The following VPS16 variants were observed in gnomAD, a reference collection of about 807,000 sequenced individuals.
VPS16 encodes vacuolar protein sorting-associated protein 16 homolog.
VPS16 carries 82 observed loss-of-function variants against 116.0 expected under a neutral mutation model. The observed-to-expected ratio is 0.71, with a 90% CI of 0.59 to 0.85. The LOEUF is 0.85. Among genes scored for constraint, VPS16 ranks in the 40% least tolerant of loss-of-function variants. VPS16 has a pLI of 0.00. For missense variants in VPS16, 928 were observed against 1,090.6 expected (o/e 0.85, Z 2.10); for synonymous variants, 406 against 420.7 (o/e 0.96, Z 0.43).
At chr20:2,859,255 C>T (rs569332401) in intron 1 of VPS16, among the ~76,000 whole-genome samples, 1 of 152,202 alleles carries the variant, frequency 6.6e-6, no homozygotes, top group Non-Finnish European at 1.5e-5. Flanking sequence ...TGACACTGCA[C>T]CTCAGCCTGG....
At chr20:2,848,473 C>T (rs116333899) in intron 1 of VPS16, among the ~76,000 whole-genome samples, 49 of 152,296 alleles carry the variant, frequency 3.2e-4, no homozygotes, top group African/African-American at 1.1e-3. Context: ...CCACTTCCAC[C>T]TCTTGAATCT....
intron 1 of VPS16, among the ~76,000 whole-genome samples, chr20:2,851,675 C>T: frequency 6.9e-6 from 1 of 145,872 alleles, no homozygotes; most frequent in Non-Finnish European, 1.5e-5. Flanking sequence ...AAAAAAAAAA[C>T]AAAAAACACA....
intron 1 of VPS16, among the ~76,000 whole-genome samples, chr20:2,842,602 G>A (rs943837819): frequency 1.8e-4 from 26 of 145,846 alleles, no homozygotes; most frequent in Non-Finnish European, 3.8e-4. Flanking sequence ...GTGAGACTCC[G>A]TCTATATATA....
rs1422459925 is a variant in VPS16, at chr20:2,864,474, G to A, written c.1818+12G>A. The stretch of plus-strand genomic sequence containing the variant: ...GTTTGTACCGACAGGTGTGTGTAGT[G>A]GGCAGGGTTGTGGTGTAGCCTTCTG... On this transcript the variant is annotated intron_variant, in intron 18 of 23. Coordinates refer to ENST00000380445, the MANE Select transcript of VPS16 (RefSeq NM_022575.4). This position sits in a 1 kb window ranked among gnomAD's most constrained non-coding sequence, Gnocchi z 5.2. The A allele has an allele frequency of 1.2e-6, 2 of 1,614,124 alleles. No individual in the cohort carries two copies. Among genetic ancestry groups the A allele is most frequent in the Admixed American group, 1.7e-5 (1 of 60,014 alleles).
rs750104307 is a variant in VPS16, at chr20:2,859,747, G to A, written c.82G>A (p.Asp28Asn). The change falls in exon 2 of 24, where the codon GAC becomes AAC. Residue 28 changes from aspartate (D) to asparagine (N), a missense_variant. By Grantham distance (23) the Asp-to-Asn change is conservative. Transcript: ENST00000380445. ...RKYELYSMDW[D>N]LKEELRDCLV... ...ATATGAGCTGTACAGCATGGACTGGGACCTGAAGGAGGAACTCAGGGATTG... is the reference window on the plus strand; with the variant it reads ...ATATGAGCTGTACAGCATGGACTGGAACCTGAAGGAGGAACTCAGGGATTG... 7 of 1,613,134 alleles carry A rather than the reference G, an allele frequency of 4.3e-6. No homozygotes were observed. In the African/African-American group the frequency reaches 8.0e-5, roughly 18 times the overall value.
rs1191291021 is a variant in VPS16, at chr20:2,861,175, A to G, written c.754-50A>G. ...GGTGATGCGGGAGGGCTTTTCGACT[A>G]GAATGGTGACTGCTGGGACAGGGCC... On this transcript the variant is annotated intron_variant, in intron 7 of 23. Transcript: ENST00000380445. The G allele has an allele frequency of 2.5e-6, 4 of 1,614,088 alleles. No homozygotes were observed. The East Asian group carries it at 6.7e-5, about 27-fold the overall frequency.
At position 2,865,014 on chromosome 20, in the gene VPS16, G is replaced by T. The variant is rs371692425; in HGVS notation, c.1963G>T (p.Ala655Ser). 1.9e-6 allele frequency: 3 copies of T among 1,614,106 alleles called. No individual in the cohort carries two copies. The highest frequency in any genetic ancestry group is 2.7e-5 in the African/African-American group (2 of 74,986). The change falls in exon 20 of 24, where the codon GCC (alanine) becomes TCC (serine). Residue 655 changes from alanine (A) to serine (S), a missense_variant. Physicochemically the swap from Ala to Ser is moderately conservative, Grantham distance 99. Transcript: ENST00000380445. The surrounding 1 kb of genome is among the most constrained non-coding windows in gnomAD (Gnocchi z 5.2). ...EGRVAALQTA[A>S]DAFYKAKNEF... ...GCGAGTAGCAGCTCTGCAGACAGCCGCCGATGCCTTCTACAAGGCCAAGAA... is the reference window on the plus strand; with the variant it reads ...GCGAGTAGCAGCTCTGCAGACAGCCTCCGATGCCTTCTACAAGGCCAAGAA...
chr20:2,846,112 C>CTTTTTTT (rs34440512), intron 1 of VPS16, among the ~76,000 whole-genome samples: 1 of 89,684 alleles, frequency 1.1e-5, no homozygotes. Flanking sequence ...CTGTACTCCG[C>CTTTTTTT]TTTTTTTTTT....
In VPS16 at chr20:2,864,619, A is replaced by G. The variant is rs1262062119; in HGVS notation, c.1891A>G (p.Ser631Gly). 6.2e-7 allele frequency: 1 copy of G among 1,614,156 alleles called. No homozygotes were observed. Among genetic ancestry groups the G allele is most frequent in the South Asian group, 1.1e-5 (1 of 91,090 alleles). ...GGATGACAATCACCAGGAATTGGGC[A>G]GCTTCCACATCCGAGCCAGCTATGC... ...NQDDNHQELG[S>G]FHIRASYAAE... Residue 631 changes from serine (S) to glycine (G), a missense_variant, in exon 19 of 24, where the codon AGC becomes GGC. Ser to Gly is a moderately conservative substitution (Grantham distance 56). Coordinates refer to ENST00000380445, the MANE Select transcript of VPS16 (RefSeq NM_022575.4). The surrounding 1 kb of genome is among the most constrained non-coding windows in gnomAD (Gnocchi z 5.2).
rs11470973 is a variant in VPS16, at chr20:2,842,888, CGA to C, written c.53+2062_53+2063del. On this transcript the variant is annotated intron_variant, in intron 1 of 23. Coordinates refer to ENST00000380445, the MANE Select transcript of VPS16 (RefSeq NM_022575.4). Reference sequence around the variant, plus strand: ...TCGATAGATAGATAGATGTATCTATCGATAGATAGATAGATATATGTTATGGA... The same window carrying C: ...TCGATAGATAGATAGATGTATCTATCTAGATAGATAGATATATGTTATGGA... Among the ~76,000 whole-genome samples, 154 of 126,326 alleles carry C rather than the reference CGA, an allele frequency of 1.2e-3. 22 individuals are homozygous for C. Among genetic ancestry groups the C allele is most frequent in the Admixed American group, 9.2e-3 (105 of 11,408 alleles). The allele number at this position is 126,326 out of a possible 152,430, so 82.9% of individuals were successfully genotyped here. A position where few individuals can be genotyped will look rare whatever the true frequency, so the allele number is the denominator to read the frequency against.
At chr20:2,861,164 G>T (rs1393260383) in intron 7 of VPS16, 61 bp from the exon 8 acceptor site, 28 of 1,614,160 alleles carry the variant, frequency 1.7e-5, no homozygotes, top group Non-Finnish European at 2.3e-5. Context: ...ATGCGGGAGG[G>T]CTTTTCGACT....
rs770913562 is a variant in VPS16, at chr20:2,866,194, C to T, written c.2272-18C>T. 26 of 1,612,506 alleles carry T rather than the reference C, an allele frequency of 1.6e-5. No individual in the cohort carries two copies. In the East Asian group the frequency reaches 3.1e-4, roughly 19 times the overall value. ...CTGTGCATTACCTTCTCCCTCCACC[C>T]GCTTCCTCTCCTCCAAGCCTTTTGT... On this transcript the variant is annotated intron_variant, in intron 22 of 23. Coordinates refer to ENST00000380445, the MANE Select transcript of VPS16 (RefSeq NM_022575.4).
chr20:2,863,081 A>G lies in VPS16; in HGVS notation c.1348A>G (p.Ile450Val), dbSNP rs150495430. 1,219 of 1,614,032 alleles carry G rather than the reference A, an allele frequency of 7.6e-4. 1 individual carries two copies. Among genetic ancestry groups the G allele is most frequent in the Non-Finnish European group, 9.4e-4 (1,115 of 1,180,020 alleles). ...AAAATACAGATATAAGCAGCTCACC[A>G]TCCAGGTGCTGCTGGACAGGTAGGG... ...LTYSQYKQLT[I>V]QVLLDRLVLR... is the part of the protein sequence containing the mutation. The change falls in exon 14 of 24, where the codon ATC (isoleucine) becomes GTC (valine). Residue 450 changes from isoleucine to valine, a missense_variant. Transcript: ENST00000380445. The surrounding 1 kb of genome is among the most constrained non-coding windows in gnomAD (Gnocchi z 4.4).
chr20:2,856,004 G>C (rs896648125), intron 1 of VPS16, among the ~76,000 whole-genome samples: 2 of 152,204 alleles, frequency 1.3e-5, no homozygotes, highest in East Asian at 3.8e-4. Context: ...TTCACAAGTT[G>C]GCTAACTGGC....
chr20:2,865,424 C>G lies in VPS16; in HGVS notation c.2200C>G (p.Leu734Val). The G allele has an allele frequency of 6.2e-7, 1 of 1,614,200 alleles. No homozygotes were observed. The highest frequency in any genetic ancestry group is 8.5e-7 in the Non-Finnish European group (1 of 1,180,034). Residue 734 changes from leucine (L) to valine (V), a missense_variant, in exon 22 of 24, where the codon CTG becomes GTG. By Grantham distance (32) the Leu-to-Val change is conservative. Transcript: ENST00000380445. This position sits in a 1 kb window ranked among gnomAD's most constrained non-coding sequence, Gnocchi z 5.2. ...GCTCTGGTGGCTGAAGCTGACTGCC[C>G]TGGCAGATTTGGAAGATTGGGAAGA... ...KRLWWLKLTA[L>V]ADLEDWEELE...
At chr20:2,854,816 GAA>G (rs2089156423) in intron 1 of VPS16, among the ~76,000 whole-genome samples, 1 of 150,922 alleles carries the variant, frequency 6.6e-6, no homozygotes, top group African/African-American at 2.4e-5. Flanking sequence ...AAGAAAGAAA[GAA>G]AAAGAAAATT....
At chr20:2,847,481 A>AT (rs5839972) in intron 1 of VPS16, among the ~76,000 whole-genome samples, 110 of 128,706 alleles carry the variant, frequency 8.5e-4, no homozygotes, top group Middle Eastern at 4.6e-3. Flanking sequence ...CGCCCCCTCT[A>AT]TTTTTTTTTT....
chr20:2,863,793 G>A lies in VPS16; in HGVS notation c.1477-156G>A, dbSNP rs942617728. On this transcript the variant is annotated intron_variant, in intron 15 of 23. Coordinates refer to ENST00000380445, the MANE Select transcript of VPS16 (RefSeq NM_022575.4). The surrounding 1 kb of genome is among the most constrained non-coding windows in gnomAD (Gnocchi z 4.4). ...AAAGAAAGAAGTGGCGGGGGCGGAG[G>A]AGGAGGGAAAGAGAGAGAAAGAAGA... Among the ~76,000 whole-genome samples the A allele has an allele frequency of 1.4e-5, 2 of 147,330 alleles. No homozygotes were observed. The highest frequency in any genetic ancestry group is 5.1e-5 in the African/African-American group (2 of 38,842).
chr20:2,863,837 G>GAAAC lies in VPS16; in HGVS notation c.1477-110_1477-109insACAA. The GAAAC allele has an allele frequency of 1.4e-6, 2 of 1,412,772 alleles. No individual in the cohort carries two copies. The highest frequency in any genetic ancestry group is 2.7e-5 in the South Asian group (2 of 73,238). 87.5% of individuals were successfully genotyped at this position (1,412,772 alleles called of 1,614,324 possible). A position where few individuals can be genotyped will look rare whatever the true frequency, so the allele number is the denominator to read the frequency against. ...AAGAAGAAAGAGAGAAAGAAAGAAA[G>GAAAC]AAGAAGGAAGGGAGGGAGGAAGGGA... On this transcript the variant is annotated intron_variant, in intron 15 of 23. Coordinates refer to ENST00000380445, the MANE Select transcript of VPS16 (RefSeq NM_022575.4). This position sits in a 1 kb window ranked among gnomAD's most constrained non-coding sequence, Gnocchi z 4.4.
Sources: gnomAD v4.1 joint callset for allele counts (sites outside exome capture counted in the v4.1 genomes callset) on GRCh38, gnomAD v4.1.1 for gene constraint, Gnocchi (gnomAD v3.1) non-coding constraint, MANE v1.5 for transcripts, NCBI Gene and HGNC (gene_info 2026-07-23, HGNC 2026-07-21) for gene names.